ARHGEF28: variants seen among roughly 807,000 people sequenced by gnomAD.
ARHGEF28 encodes the protein Rho guanine nucleotide exchange factor 28, also known as 190 kDa guanine nucleotide exchange factor.
In ARHGEF28, 152 loss-of-function variants were observed where a neutral mutation model predicts 206.6. The observed-to-expected ratio is 0.74, with a 90% CI of 0.64 to 0.84. The LOEUF (loss-of-function observed/expected upper bound fraction) is 0.84, where lower values mean the gene tolerates loss of function less well. Among genes scored for constraint, ARHGEF28 ranks in the 40% least tolerant of loss-of-function variants. The probability of loss-of-function intolerance (pLI) is 0.00; values close to 1 mark genes in which losing one functional copy is unlikely to be tolerated. For synonymous variants in ARHGEF28, 763 were observed against 776.4 expected, an observed-to-expected ratio of 0.98 and a Z score of 0.29; for missense variants, 2,028 against 2,073.2, an observed-to-expected ratio of 0.98 and a Z score of 0.42.
chr5:73,757,823 A>G (rs757175807), intron 4 of ARHGEF28, among the ~76,000 whole-genome samples: 9 of 152,202 alleles, frequency 5.9e-5, no homozygotes, highest in Non-Finnish European at 1.0e-4. Flanking sequence ...TTTGGAGTAA[A>G]GCATTGAATA....
chr5:73,729,228 G>A (rs542901130), intron 2 of ARHGEF28, among the ~76,000 whole-genome samples: 2 of 152,306 alleles, frequency 1.3e-5, no homozygotes, highest in South Asian at 4.1e-4. Context: ...TTTGTCAAAT[G>A]AGGATTATAA....
chr5:73,836,143 T>C (rs929047882), intron 10 of ARHGEF28, among the ~76,000 whole-genome samples: 1 of 152,170 alleles, frequency 6.6e-6, no homozygotes, highest in Non-Finnish European at 1.5e-5. Context: ...ATAGTGATTC[T>C]GTTTCCTTTG....
chr5:73,905,320 A>C (rs985241270), intron 33 of ARHGEF28: 4 of 152,086 alleles, frequency 2.6e-5, no homozygotes, highest in African/African-American at 9.7e-5. Context: ...AAAAAAAAAA[A>C]AAACTGTCTT....
chr5:73,654,563 A>G (rs1200130525), intron 1 of ARHGEF28, among the ~76,000 whole-genome samples: 1 of 152,232 alleles, frequency 6.6e-6, no homozygotes, highest in African/African-American at 2.4e-5. Flanking sequence ...TGTGTGCAGT[A>G]AACACGGAAC....
rs1200816310 is a variant in ARHGEF28 at position 73,857,856 on chromosome 5, T to G, written c.1914+77T>G. On this transcript the variant is annotated intron_variant, in intron 15 of 35. Transcript: ENST00000513042. ...TCAGCAGTTAGTATAATTTCCACTT[T>G]CCCTTTGAAATCACTTACCTTAGAT... The G allele has an allele frequency of 3.4e-6, 5 of 1,489,016 alleles. No individual in the cohort carries two copies. The African/African-American group carries it at 7.1e-5, about 21-fold the overall frequency. 92.2% of individuals were successfully genotyped at this position (1,489,016 alleles called of 1,614,324 possible).
At chr5:73,901,037 A>G in intron 30 of ARHGEF28, 147 bp from the exon 31 acceptor site, 1 of 625,264 alleles carries the variant, frequency 1.6e-6, no homozygotes, top group Non-Finnish European at 2.8e-6. Flanking sequence ...CGCTCATCCA[A>G]GCACCTCATC....
At chr5:73,672,295 A>G (rs1407827783) in intron 1 of ARHGEF28, among the ~76,000 whole-genome samples, 1 of 152,114 alleles carries the variant, frequency 6.6e-6, no homozygotes, top group Non-Finnish European at 1.5e-5. Context: ...TCAACCCCTC[A>G]AACTCCTTTG....
At chr5:73,784,398 A>C (rs2112467466) in intron 7 of ARHGEF28, among the ~76,000 whole-genome samples, 1 of 152,332 alleles carries the variant, frequency 6.6e-6, no homozygotes, top group African/African-American at 2.4e-5. Context: ...TTGTACTCCC[A>C]GAATAATGGC....
chr5:73,757,535 G>T (rs1369418215), intron 4 of ARHGEF28, among the ~76,000 whole-genome samples: 2 of 152,044 alleles, frequency 1.3e-5, no homozygotes, highest in African/African-American at 4.8e-5. Flanking sequence ...GTCAATCATT[G>T]AGAGTTATTA....
chr5:73,746,359 T>C (rs770343203), intron 2 of ARHGEF28, among the ~76,000 whole-genome samples: 6 of 152,036 alleles, frequency 3.9e-5, no homozygotes, highest in Admixed American at 1.3e-4. Flanking sequence ...TGCCAAAGAT[T>C]GTAACAATGT....
chr5:73,780,644 T>G (rs774463700), intron 6 of ARHGEF28, 32 bp from the exon 7 acceptor site: 4 of 1,512,110 alleles, frequency 2.6e-6, no homozygotes, highest in Non-Finnish European at 1.8e-6. Context: ...TTTCTGTGCT[T>G]TTTTGTTTTT....
At position 73,892,100 on chromosome 5, in the gene ARHGEF28, G is replaced by A; in HGVS notation, c.3436G>A (p.Val1146Ile). ...CCTTCAAAAGCTTATTGCTAGAGAA[G>A]TTGCTAATGAGGAGAGAGGAATGTT... ...ISLQKLIAREVANEERGMFLI... is the reference protein window; with the variant it reads ...ISLQKLIAREIANEERGMFLI... Residue 1146 changes from valine (V) to isoleucine (I), a missense_variant, in exon 27 of 36, where the codon GTT becomes ATT. By Grantham distance (29) the Val-to-Ile change is conservative. Coordinates refer to ENST00000513042, the MANE Select transcript of ARHGEF28 (RefSeq NM_001177693.2). 1 of 1,599,224 alleles carries A rather than the reference G, an allele frequency of 6.3e-7. No homozygotes were observed. The highest frequency in any genetic ancestry group is 8.5e-7 in the Non-Finnish European group (1 of 1,172,072).
At chr5:73,685,340 A>G (rs947955488) in intron 2 of ARHGEF28, among the ~76,000 whole-genome samples, 1 of 152,154 alleles carries the variant, frequency 6.6e-6, no homozygotes, top group Admixed American at 6.5e-5. Context: ...GGAATGCCCA[A>G]GGAGATTTGT....
Position 73,703,883 on chromosome 5 carries a change from A to G in ARHGEF28, c.33+18999A>G, listed in dbSNP as rs575693483. Among the ~76,000 whole-genome samples the G allele has an allele frequency of 2.0e-5, 3 of 152,058 alleles. No homozygotes were observed. The East Asian group carries it at 5.8e-4, about 29-fold the overall frequency. On this transcript the variant is annotated intron_variant, in intron 2 of 35. Coordinates refer to ENST00000513042, the MANE Select transcript of ARHGEF28 (RefSeq NM_001177693.2). The stretch of plus-strand genomic sequence containing the variant: ...AAACCCCGTCTCTACTAAAAATACA[A>G]AAATGTGACGTGCGCCTGTAGTCCC...
chr5:73,824,045 G>T (rs1016959988), intron 9 of ARHGEF28, among the ~76,000 whole-genome samples: 1 of 152,328 alleles, frequency 6.6e-6, no homozygotes, highest in African/African-American at 2.4e-5. Context: ...GATGCTGACT[G>T]TGATAGCAGT....
intron 2 of ARHGEF28, among the ~76,000 whole-genome samples, chr5:73,698,127 C>T (rs566117093): frequency 3.9e-5 from 6 of 152,044 alleles, no homozygotes; most frequent in Non-Finnish European, 7.4e-5. Flanking sequence ...ATTCCATAAA[C>T]GTAACATTTC....
chr5:73,664,996 G>T (rs1745856430), intron 1 of ARHGEF28, among the ~76,000 whole-genome samples: 1 of 152,020 alleles, frequency 6.6e-6, no homozygotes, highest in Admixed American at 6.6e-5. Context: ...TTCTAGTTCA[G>T]CACCAAGGCC....
intron 1 of ARHGEF28, among the ~76,000 whole-genome samples, chr5:73,674,008 T>TAAAA (rs35528097): frequency 7.4e-6 from 1 of 134,334 alleles, no homozygotes; most frequent in African/African-American, 2.8e-5. Context: ...TCCATCTCTT[T>TAAAA]AAAAAAAAAA....
intron 35 of ARHGEF28, among the ~76,000 whole-genome samples, chr5:73,919,333 T>C (rs746009280): frequency 2.6e-5 from 4 of 152,258 alleles, no homozygotes; most frequent in Non-Finnish European, 5.9e-5. Context: ...GGTAACTATC[T>C]TTCCATATCA....
Sources: allele counts gnomAD v4.1 joint callset (sites outside exome capture counted in the v4.1 genomes callset), GRCh38; gene constraint gnomAD v4.1.1; transcripts MANE v1.5; gene names NCBI Gene and HGNC (gene_info 2026-07-23, HGNC 2026-07-21).